KDM2B: variants seen among roughly 807,000 people sequenced by gnomAD.
The protein encoded by KDM2B is lysine-specific demethylase 2B.
Under a neutral mutation model 150.0 loss-of-function variants are expected in KDM2B, and 26 were observed. That is an observed-to-expected ratio of 0.17 (90% CI 0.13 to 0.24). The LOEUF (loss-of-function observed/expected upper bound fraction) is 0.24. KDM2B is among the 10% of genes least tolerant of loss of function. KDM2B has a pLI of 1.00. For missense variants in KDM2B, 1,265 were observed against 1,816.9 expected (o/e 0.70, Z 5.52); for synonymous variants, 734 against 729.5 (o/e 1.01, Z -0.10).
chr12:121,569,012 C>T (rs146218082), intron 4 of KDM2B, among the ~76,000 whole-genome samples: 4 of 152,314 alleles, frequency 2.6e-5, no homozygotes, highest in Middle Eastern at 3.4e-3. Flanking sequence ...CAAACGGCCA[C>T]GTCCCGTGGT....
At chr12:121,524,096 G>A (rs536859901) in intron 8 of KDM2B, among the ~76,000 whole-genome samples, 213 of 152,226 alleles carry the variant, frequency 1.4e-3, no homozygotes, top group Non-Finnish European at 2.3e-3. Context: ...CGGGACCACC[G>A]GGTCATGTGA....
At chr12:121,471,112 C>T (rs1359077843) in intron 12 of KDM2B, among the ~76,000 whole-genome samples, 4 of 152,194 alleles carry the variant, frequency 2.6e-5, no homozygotes, top group African/African-American at 7.2e-5. Flanking sequence ...ATATACAATA[C>T]AAATTATGCC....
intron 2 of KDM2B, among the ~76,000 whole-genome samples, chr12:121,576,945 CG>C (rs1432889657): frequency 6.6e-6 from 1 of 152,152 alleles, no homozygotes; most frequent in African/African-American, 2.4e-5. Context: ...AACCCAAAGC[CG>C]GGGAAAGCCC....
At chr12:121,466,739 G>A (rs1178049619) in intron 12 of KDM2B, among the ~76,000 whole-genome samples, 4 of 149,142 alleles carry the variant, frequency 2.7e-5, no homozygotes, top group Non-Finnish European at 4.5e-5. Flanking sequence ...AGGAGGTGCC[G>A]GCGCCCGCGG....
intron 12 of KDM2B, among the ~76,000 whole-genome samples, chr12:121,478,011 G>A (rs1488419073): frequency 6.6e-6 from 1 of 151,770 alleles, no homozygotes; most frequent in Non-Finnish European, 1.5e-5. Context: ...CCAAAGTGTT[G>A]GGATTACAGG....
chr12:121,439,666 T>C (rs1267659862), intron 22 of KDM2B, among the ~76,000 whole-genome samples, 191 bp downstream of exon 22: 3 of 152,152 alleles, frequency 2.0e-5, no homozygotes, highest in African/African-American at 7.2e-5. Context: ...GGGCGTGAGC[T>C]ACCGCACCCG....
rs1375649366 is a variant in KDM2B, at chr12:121,518,662, T to G, written c.1047+2323A>C. Among the ~76,000 whole-genome samples, 3 of 152,172 alleles carry G rather than the reference T, an allele frequency of 2.0e-5. No homozygotes were observed. The highest frequency in any genetic ancestry group is 4.4e-5 in the Non-Finnish European group (3 of 68,032). Reference sequence around the variant, plus strand: ...TCCTAAGGGAACCATGGGGCCCAAATCCGCTGAGTTTACAATTGAATTCCC... The same window carrying G: ...TCCTAAGGGAACCATGGGGCCCAAAGCCGCTGAGTTTACAATTGAATTCCC... On this transcript the variant is annotated intron_variant, in intron 9 of 22. Coordinates refer to ENST00000377071, the MANE Select transcript of KDM2B (RefSeq NM_032590.5). The surrounding 1 kb of genome is among the most constrained non-coding windows in gnomAD (Gnocchi z 4.4).
In KDM2B at chr12:121,442,177, G is replaced by A. The variant is rs2138072125; in HGVS notation, c.3264C>T (p.Val1088=). Reference sequence around the variant, plus strand: ...CTCACCAGCGGTTCCAGGTCCTGCAGACCCGCATGCACACACACAGGTCTT... The same window carrying A: ...CTCACCAGCGGTTCCAGGTCCTGCAAACCCGCATGCACACACACAGGTCTT... ...SHQDLCVCMR[V]CRTWNRWCCD... is the part of the protein sequence containing the mutation. Residue 1088 remains valine (V), a synonymous_variant, in exon 19 of 23, where the codon GTC becomes GTT. Transcript: ENST00000377071. This position sits in a 1 kb window ranked among gnomAD's most constrained non-coding sequence, Gnocchi z 7.7. The A allele has an allele frequency of 1.9e-6, 3 of 1,613,642 alleles. No individual in the cohort carries two copies. Among genetic ancestry groups the A allele is most frequent in the Non-Finnish European group, 2.5e-6 (3 of 1,180,002 alleles).
In KDM2B at chr12:121,549,068, C is replaced by G. The variant is rs532626347; in HGVS notation, c.577-85G>C. The G allele has an allele frequency of 7.9e-5, 82 of 1,040,830 alleles. No homozygotes were observed. Among genetic ancestry groups the G allele is most frequent in the Non-Finnish European group, 1.1e-4 (73 of 683,608 alleles). The allele number at this position is 1,040,830 out of a possible 1,614,324, so 64.5% of individuals were successfully genotyped here. On this transcript the variant is annotated intron_variant, in intron 5 of 22. Coordinates refer to ENST00000377071, the MANE Select transcript of KDM2B (RefSeq NM_032590.5). The surrounding 1 kb of genome is among the most constrained non-coding windows in gnomAD (Gnocchi z 4.4). ...CCCTTTCCCCGGAGAGTCCTTGGGC[C>G]CCCCCGCTCCCCCAATCTACTGTGG...
rs782635752 is a variant in KDM2B at position 121,531,406 on chromosome 12, G to T, written c.931+1400C>A. ...ACTACAACCACCACTAGTGCTTGATGTCCAGACCTAAGACCAGTTTCTAGC... is the reference window on the plus strand; with the variant it reads ...ACTACAACCACCACTAGTGCTTGATTTCCAGACCTAAGACCAGTTTCTAGC... On this transcript the variant is annotated intron_variant, in intron 8 of 22. Coordinates refer to ENST00000377071, the MANE Select transcript of KDM2B (RefSeq NM_032590.5). Among the ~76,000 whole-genome samples the T allele has an allele frequency of 4.6e-5, 7 of 152,254 alleles. No individual in the cohort carries two copies. The South Asian group carries it at 6.2e-4, about 14-fold the overall frequency.
In KDM2B at chr12:121,529,727, C is replaced by T. The variant is rs542038338; in HGVS notation, c.931+3079G>A. ...GGTGGATCACTTGACCCTAGGAGTT[C>T]GAGACCTGCCTGGACAACATGGCAA... On this transcript the variant is annotated intron_variant, in intron 8 of 22. Coordinates refer to ENST00000377071, the MANE Select transcript of KDM2B (RefSeq NM_032590.5). 7.3e-5 allele frequency among the ~76,000 whole-genome samples: 11 copies of T among 151,206 alleles called. No homozygotes were observed. The South Asian group carries it at 8.4e-4, about 11-fold the overall frequency.
At chr12:121,531,984 T>C (rs1389908988) in intron 8 of KDM2B, among the ~76,000 whole-genome samples, 2 of 151,786 alleles carry the variant, frequency 1.3e-5, no homozygotes, top group Non-Finnish European at 2.9e-5. Context: ...TCCCAGCTAC[T>C]TGGGAGGCTG....
chr12:121,423,570 G>A, the KDM2B span: 6 of 1,612,658 alleles, frequency 3.7e-6, no homozygotes, highest in Non-Finnish European at 5.1e-6. This position sits in a 1 kb window ranked among gnomAD's most constrained non-coding sequence, Gnocchi z 4.3. Flanking sequence ...ACGTGTTCAA[G>A]TCCTGAAACA....
intron 11 of KDM2B, among the ~76,000 whole-genome samples, chr12:121,495,170 T>TC (rs1307406050): frequency 3.0e-4 from 45 of 151,902 alleles, no homozygotes; most frequent in Non-Finnish European, 5.6e-4. Context: ...CTAAATTTTT[T>TC]TTTTTTTTTT....
chr12:121,460,644 G>A (rs1878979117), intron 12 of KDM2B, among the ~76,000 whole-genome samples: 1 of 152,216 alleles, frequency 6.6e-6, no homozygotes, highest in Admixed American at 6.5e-5. Context: ...CTGGGTTCAA[G>A]TGACCCGACC....
Position 121,442,289 on chromosome 12 carries a change from G to T in KDM2B, c.3152C>A (p.Pro1051Gln). The T allele has an allele frequency of 1.9e-6, 3 of 1,611,256 alleles. No homozygotes were observed. Among genetic ancestry groups the T allele is most frequent in the Non-Finnish European group, 2.5e-6 (3 of 1,178,468 alleles). Residue 1051 changes from proline to glutamine, a missense_variant, in exon 19 of 23, where the codon CCG becomes CAG. Coordinates refer to ENST00000377071, the MANE Select transcript of KDM2B (RefSeq NM_032590.5). The surrounding 1 kb of genome is among the most constrained non-coding windows in gnomAD (Gnocchi z 7.7). ...HVIRPPPISP[P>Q]PDSLPLDDGA... ...ATCGTCCAGGGGTAGCGAGTCAGGC[G>T]GGGGGCTGATGGGGGGTGGCCGGAT...
Position 121,513,482 on chromosome 12 carries a change from C to A in KDM2B, c.1048-80G>T. On this transcript the variant is annotated intron_variant, in intron 9 of 22. Transcript: ENST00000377071. The surrounding 1 kb of genome is among the most constrained non-coding windows in gnomAD (Gnocchi z 5.0). ...AGGAGGGAGAGAAGTGCGGGGCAGG[C>A]TCCCTGCAGGTGAGGGTCACTGTCA... is the stretch of plus-strand genomic sequence containing the variant. 6.6e-7 allele frequency: 1 copy of A among 1,510,508 alleles called. No homozygotes were observed. The highest frequency in any genetic ancestry group is 1.4e-5 in the African/African-American group (1 of 73,270). 93.6% of individuals were successfully genotyped at this position (1,510,508 alleles called of 1,614,324 possible).
At chr12:121,464,950 A>G (rs1442989213) in intron 12 of KDM2B, among the ~76,000 whole-genome samples, 1 of 152,214 alleles carries the variant, frequency 6.6e-6, no homozygotes, top group Non-Finnish European at 1.5e-5. Context: ...TGAGGAAAGC[A>G]TGCAGGGAGG....
At chr12:121,530,738 C>G (rs986350996) in intron 8 of KDM2B, among the ~76,000 whole-genome samples, 14 of 152,130 alleles carry the variant, frequency 9.2e-5, no homozygotes, top group Non-Finnish European at 1.6e-4. Flanking sequence ...ACGCCCACAC[C>G]CCTGCTGCCA....
Sources: gnomAD v4.1 joint callset for allele counts (sites outside exome capture counted in the v4.1 genomes callset) on GRCh38, gnomAD v4.1.1 for gene constraint, Gnocchi (gnomAD v3.1) non-coding constraint, MANE v1.5 for transcripts, NCBI Gene and HGNC (gene_info 2026-07-23, HGNC 2026-07-21) for gene names.